PHTF1: variants seen among roughly 807,000 people sequenced by gnomAD.
PHTF1 encodes the protein protein PHTF1.
Under a neutral mutation model 102.4 loss-of-function variants are expected in PHTF1, and 88 were observed. The observed-to-expected ratio is 0.86, with a 90% CI of 0.72 to 1.03. The LOEUF (loss-of-function observed/expected upper bound fraction) is 1.03, where lower values mean the gene tolerates loss of function less well. PHTF1 is among the 50% of genes least tolerant of loss of function. The pLI, the probability that PHTF1 is intolerant of heterozygous loss-of-function variation, is 0.00. For synonymous variants in PHTF1, 289 were observed against 305.2 expected, an observed-to-expected ratio of 0.95 and a Z score of 0.55; for missense variants, 814 against 909.5, an observed-to-expected ratio of 0.89 and a Z score of 1.35.
At chr1:113,706,187 C>A (rs374862815) in intron 12 of PHTF1, 25 bp from the exon 13 acceptor site, 7 of 1,572,852 alleles carry the variant, frequency 4.5e-6, no homozygotes, top group Non-Finnish European at 6.0e-6. Context: ...AAAATTTCCA[C>A]CATTATTGTG....
In PHTF1 at chr1:113,705,974, CA is replaced by C. The variant is rs748603578; in HGVS notation, c.1586del (p.Leu529CysfsTer3). 10 of 1,613,680 alleles carry C rather than the reference CA, an allele frequency of 6.2e-6. No individual in the cohort carries two copies. Among genetic ancestry groups the C allele is most frequent in the Non-Finnish European group, 8.5e-6 (10 of 1,179,772 alleles). On this transcript the variant is annotated frameshift_variant, in exon 13 of 19. Coordinates refer to ENST00000369604, the MANE Select transcript of PHTF1 (RefSeq NM_001323043.2). LOFTEE classifies it high-confidence loss of function. ...ATCTTTCAAAAAAATTAATTATCGACAAAACAATAATAGGTGTAACAGGTGG... is the reference window on the plus strand; with the variant it reads ...ATCTTTCAAAAAAATTAATTATCGACAAACAATAATAGGTGTAACAGGTGG... Reference protein sequence around the residue: ...GAPPVTPIIVLSIINFFERLC... With the variant: ...GAPPVTPIIVXSIINFFERLC...
Position 113,704,812 on chromosome 1 carries a change from A to AGGAGGAGCCAAGATGGCCGAATAGG in PHTF1, c.1672-16_1672-15insCCTATTCGGCCATCTTGGCTCCTCC. 6.5e-7 allele frequency: 1 copy of AGGAGGAGCCAAGATGGCCGAATAGG among 1,548,580 alleles called. No individual in the cohort carries two copies. On this transcript the variant is annotated splice_polypyrimidine_tract_variant and intron_variant, in intron 13 of 18. Transcript: ENST00000369604. ...AATAAAAATCTCTAGAAGAGATTTA[A>AGGAGGAGCCAAGATGGCCGAATAGG]AAAAAATCACAGTGAAATGTATGTA...
chr1:113,732,992 G>C (rs894465815), intron 5 of PHTF1, among the ~76,000 whole-genome samples: 22 of 151,180 alleles, frequency 1.5e-4, no homozygotes, highest in African/African-American at 5.4e-4. Context: ...GAACTCCTGG[G>C]CTCAAGTGAT....
At chr1:113,748,963 C>A (rs756174060) in intron 3 of PHTF1, among the ~76,000 whole-genome samples, 4 of 152,180 alleles carry the variant, frequency 2.6e-5, no homozygotes, top group Non-Finnish European at 4.4e-5. Context: ...ACAACATATT[C>A]TGAAGTGGAT....
At chr1:113,755,960 G>T (rs1044289311) in intron 3 of PHTF1, among the ~76,000 whole-genome samples, 16 of 151,602 alleles carry the variant, frequency 1.1e-4, no homozygotes, top group Admixed American at 4.6e-4. Flanking sequence ...CCAACTACTC[G>T]GGAGGCTGAG....
In PHTF1 at chr1:113,710,484, G is replaced by C; in HGVS notation, c.1048-9C>G. 1 of 1,599,532 alleles carries C rather than the reference G, an allele frequency of 6.3e-7. No individual in the cohort carries two copies. ...ACACCCGATCTAGAGCCCTTTAAAG[G>C]AAAACAAAAAGCAAAAAATGTTATT... is the stretch of plus-strand genomic sequence containing the variant. On this transcript the variant is annotated splice_polypyrimidine_tract_variant and intron_variant, in intron 10 of 18. Transcript: ENST00000369604.
At position 113,731,813 on chromosome 1, in the gene PHTF1, C is replaced by A. The variant is rs928901083; in HGVS notation, c.332-5239G>T. ...TCAGGAGGCTGAGGCATGAGAATCACTTGAACCCGGGTGGCAGAGGTTGCA... is the reference window on the plus strand; with the variant it reads ...TCAGGAGGCTGAGGCATGAGAATCAATTGAACCCGGGTGGCAGAGGTTGCA... On this transcript the variant is annotated intron_variant, in intron 5 of 18. Transcript: ENST00000369604. 4.7e-5 allele frequency among the ~76,000 whole-genome samples: 7 copies of A among 150,036 alleles called. No homozygotes were observed. In the South Asian group the frequency reaches 1.5e-3, roughly 32 times the overall value.
intron 5 of PHTF1, among the ~76,000 whole-genome samples, chr1:113,733,589 G>C (rs1045684920): frequency 1.3e-5 from 2 of 152,108 alleles, no homozygotes; most frequent in African/African-American, 2.4e-5. Context: ...TCATGAATGA[G>C]ATTAGTAACC....
intron 7 of PHTF1, among the ~76,000 whole-genome samples, chr1:113,715,664 A>T (rs1651885395): frequency 1.4e-5 from 2 of 147,230 alleles, no homozygotes; most frequent in Non-Finnish European, 3.0e-5. Flanking sequence ...AAAAAAAAAA[A>T]AAAAAAAAAA....
At chr1:113,758,416 A>AT (rs1659214759) in intron 2 of PHTF1, among the ~76,000 whole-genome samples, 1 of 151,896 alleles carries the variant, frequency 6.6e-6, no homozygotes, top group South Asian at 2.1e-4. Context: ...CTTTCAAAGC[A>AT]TTGCGGTGGC....
chr1:113,704,041 G>A, intron 15 of PHTF1, 40 bp downstream of exon 15: 1 of 1,327,192 alleles, frequency 7.5e-7, no homozygotes. Context: ...CTCTATAATA[G>A]AATTTTCATT....
At chr1:113,731,544 A>AG (rs1654645955) in intron 5 of PHTF1, among the ~76,000 whole-genome samples, 1 of 147,588 alleles carries the variant, frequency 6.8e-6, no homozygotes, top group East Asian at 1.9e-4. Context: ...TTTAAAAAAA[A>AG]GAAAGAAAGA....
At chr1:113,709,620 A>G (rs1185429343) in intron 11 of PHTF1, among the ~76,000 whole-genome samples, 2 of 152,212 alleles carry the variant, frequency 1.3e-5, no homozygotes, top group Non-Finnish European at 2.9e-5. Context: ...TATAAATAAT[A>G]ATGCTAACAT....
chr1:113,757,612 T>C, intron 3 of PHTF1, 87 bp downstream of exon 3: 1 of 849,762 alleles, frequency 1.2e-6, no homozygotes, highest in Non-Finnish European at 2.0e-6. Context: ...ATACTGGTAG[T>C]TAAATGCAGA....
At chr1:113,733,035 T>C (rs1654911596) in intron 5 of PHTF1, among the ~76,000 whole-genome samples, 1 of 148,412 alleles carries the variant, frequency 6.7e-6, no homozygotes, top group African/African-American at 2.5e-5. Context: ...TAGTTGAAAC[T>C]ACAGGCTTGC....
Position 113,706,717 on chromosome 1 carries a change from A to G in PHTF1, c.1275T>C (p.His425=), listed in dbSNP as rs1371358338. Residue 425 remains histidine, a synonymous_variant, in exon 12 of 19, where the codon CAT becomes CAC. Coordinates refer to ENST00000369604, the MANE Select transcript of PHTF1 (RefSeq NM_001323043.2). ...GACTTGAATTCTGAAGCCAGAATAA[A>G]TGATTCTGAGAAGAAAAATATAAAA... ...DPKEDVFQQN[H]LFWLQNSSPS... is the part of the protein sequence containing the mutation. The G allele has an allele frequency of 1.2e-6, 2 of 1,600,592 alleles. No individual in the cohort carries two copies. The highest frequency in any genetic ancestry group is 1.7e-6 in the Non-Finnish European group (2 of 1,173,760).
At chr1:113,715,771 TAA>T (rs935407993) in intron 7 of PHTF1, among the ~76,000 whole-genome samples, 2 of 111,816 alleles carry the variant, frequency 1.8e-5, no homozygotes, top group Admixed American at 9.2e-5. Context: ...GTGAAATAAC[TAA>T]AAAAAAAAAA....
intron 15 of PHTF1, among the ~76,000 whole-genome samples, chr1:113,701,436 C>T (rs947351768): frequency 2.0e-5 from 3 of 152,032 alleles, no homozygotes; most frequent in Admixed American, 6.6e-5. Context: ...TCAAATTTTC[C>T]GGTAAAAGGT....
intron 7 of PHTF1, among the ~76,000 whole-genome samples, chr1:113,723,904 G>A (rs1488462138): frequency 6.6e-6 from 1 of 151,820 alleles, no homozygotes; most frequent in East Asian, 1.9e-4. Flanking sequence ...GAATATATAA[G>A]GAGTTCAAAC....
Sources: allele counts gnomAD v4.1 joint callset (sites outside exome capture counted in the v4.1 genomes callset), GRCh38; gene constraint gnomAD v4.1.1; transcripts MANE v1.5; gene names NCBI Gene and HGNC (gene_info 2026-07-23, HGNC 2026-07-21).